MORC1: variants seen among roughly 807,000 people sequenced by gnomAD.
MORC1 encodes the protein MORC family CW-type zinc finger 1.
A neutral mutation model predicts 134.9 loss-of-function variants in MORC1; 59 were observed. The observed-to-expected ratio is 0.44, with a 90% CI of 0.35 to 0.54. The LOEUF (loss-of-function observed/expected upper bound fraction) is 0.54. MORC1 is among the 20% of genes least tolerant of loss of function. MORC1 has a pLI of 0.00. For synonymous variants in MORC1, 395 were observed against 391.7 expected (o/e 1.01, Z -0.10); for missense variants, 947 against 1,134.5 (o/e 0.83, Z 2.37).
At chr3:109,083,573 T>A (rs920509537) in intron 8 of MORC1, among the ~76,000 whole-genome samples, 13 of 152,150 alleles carry the variant, frequency 8.5e-5, no homozygotes, top group Non-Finnish European at 1.3e-4. Flanking sequence ...TGCTGAATTG[T>A]ACCAAACATT....
chr3:109,117,828 T>A (rs766371931), intron 1 of MORC1, among the ~76,000 whole-genome samples, 167 bp downstream of exon 1: 20 of 152,042 alleles, frequency 1.3e-4, no homozygotes, highest in Non-Finnish European at 5.9e-5. Flanking sequence ...CCAGAATATA[T>A]CTTTATTATG....
chr3:109,105,312 C>T (rs1463355929), intron 3 of MORC1, among the ~76,000 whole-genome samples: 1 of 152,176 alleles, frequency 6.6e-6, no homozygotes. Flanking sequence ...ATCACGAGGT[C>T]GAGAGATTGA....
At chr3:109,090,515 G>A (rs1228466648) in intron 8 of MORC1, among the ~76,000 whole-genome samples, 1 of 151,116 alleles carries the variant, frequency 6.6e-6, no homozygotes, top group Non-Finnish European at 1.5e-5. Context: ...AGCTACTTGG[G>A]AGGCTGGGGT....
chr3:109,066,443 G>A (rs556141883), intron 9 of MORC1, among the ~76,000 whole-genome samples: 3 of 152,070 alleles, frequency 2.0e-5, no homozygotes, highest in Non-Finnish European at 4.4e-5. Flanking sequence ...ATGCCACCAC[G>A]CCTGGCTATG....
At chr3:109,060,832 G>A (rs1327907477) in intron 11 of MORC1, among the ~76,000 whole-genome samples, 1 of 151,984 alleles carries the variant, frequency 6.6e-6, no homozygotes, top group Admixed American at 6.6e-5. Flanking sequence ...ACAGCAGAAG[G>A]CAAAAAGGAA....
chr3:108,989,139 A>C (rs1315251792), intron 21 of MORC1, among the ~76,000 whole-genome samples: 3 of 152,222 alleles, frequency 2.0e-5, no homozygotes, highest in Non-Finnish European at 4.4e-5. Context: ...TCAAGATGAG[A>C]CAAGAAAACA....
chr3:109,072,781 G>A (rs1576711692), intron 8 of MORC1, among the ~76,000 whole-genome samples: 1 of 152,098 alleles, frequency 6.6e-6, no homozygotes, highest in African/African-American at 2.4e-5. Context: ...TATTCTTCAA[G>A]AGTATTTCTT....
intron 24 of MORC1, among the ~76,000 whole-genome samples, chr3:108,976,970 G>GA (rs1013511298): frequency 6.6e-6 from 1 of 151,646 alleles, no homozygotes; most frequent in African/African-American, 2.4e-5. Flanking sequence ...AATTAGCCAA[G>GA]AAAAAAAATC....
At chr3:109,040,472 G>GAAAA (rs1949505303) in intron 14 of MORC1, among the ~76,000 whole-genome samples, 3 of 144,738 alleles carry the variant, frequency 2.1e-5, no homozygotes, top group Non-Finnish European at 3.0e-5. Context: ...AAGAAAGAAA[G>GAAAA]AAAGAAAGAA....
chr3:109,015,010 C>T (rs975295534), intron 17 of MORC1, among the ~76,000 whole-genome samples: 18 of 152,066 alleles, frequency 1.2e-4, no homozygotes, highest in African/African-American at 3.4e-4. Context: ...CTCAGCCTCC[C>T]GAGTAGCTGG....
chr3:109,096,914 G>A (rs1448750666), intron 6 of MORC1, among the ~76,000 whole-genome samples: 6 of 152,062 alleles, frequency 3.9e-5, no homozygotes, highest in African/African-American at 1.2e-4. Context: ...AAACAGGAAG[G>A]AAAGGCTAAG....
At chr3:109,028,826 G>T (rs145620732) in intron 16 of MORC1, among the ~76,000 whole-genome samples, 150 of 152,254 alleles carry the variant, frequency 9.9e-4, no homozygotes, top group Admixed American at 2.5e-3. Context: ...AGGGCATGGA[G>T]GGGAAGGAAC....
intron 10 of MORC1, among the ~76,000 whole-genome samples, chr3:109,062,648 C>G (rs1475786368): frequency 6.6e-6 from 1 of 152,136 alleles, no homozygotes; most frequent in Admixed American, 6.5e-5. Flanking sequence ...TATCAATCTC[C>G]TGACCTCGTG....
chr3:109,018,604 G>C (rs193109735), intron 17 of MORC1, among the ~76,000 whole-genome samples: 16 of 152,254 alleles, frequency 1.1e-4, no homozygotes. Context: ...ATTTTCTTAG[G>C]AGTTCTTTGC....
chr3:108,983,448 A>G (rs1382313689), intron 23 of MORC1, among the ~76,000 whole-genome samples: 1 of 152,352 alleles, frequency 6.6e-6, no homozygotes, highest in African/African-American at 2.4e-5. Flanking sequence ...GAAAAAAATA[A>G]AACAGGATGA....
chr3:108,977,321 G>T (rs1317135650), intron 24 of MORC1, among the ~76,000 whole-genome samples: 1 of 152,138 alleles, frequency 6.6e-6, no homozygotes, highest in Non-Finnish European at 1.5e-5. Context: ...AAAGTAAGTG[G>T]GTGGATGCCT....
At chr3:109,026,133 G>A (rs1007350511) in intron 17 of MORC1, among the ~76,000 whole-genome samples, 9 of 152,158 alleles carry the variant, frequency 5.9e-5, no homozygotes, top group African/African-American at 1.9e-4. Context: ...CACAAAAGCA[G>A]GGTCAGTTAC....
intron 23 of MORC1, among the ~76,000 whole-genome samples, chr3:108,983,013 C>T (rs1947788952): frequency 6.7e-6 from 1 of 148,264 alleles, no homozygotes. Context: ...ATTTACAAGT[C>T]AACAGTGATT....
chr3:109,087,163 T>C (rs1284412297), intron 8 of MORC1, among the ~76,000 whole-genome samples: 1 of 88,348 alleles, frequency 1.1e-5, no homozygotes, highest in African/African-American at 4.0e-5. Context: ...CTTGAACAGG[T>C]GCTGAACCAC....
Sources: allele counts gnomAD v4.1 joint callset (sites outside exome capture counted in the v4.1 genomes callset), GRCh38; gene constraint gnomAD v4.1.1; transcripts MANE v1.5; gene names NCBI Gene and HGNC (gene_info 2026-07-23, HGNC 2026-07-21).